Variants in SUPT3H observed in about 807,000 individuals in gnomAD.
SUPT3H encodes SPT3 homolog, SAGA and STAGA complex component, also known as transcription initiation protein SPT3 homolog.
SUPT3H carries 44 observed loss-of-function variants against 44.3 expected under a neutral mutation model. That is an observed-to-expected ratio of 0.99 (90% confidence interval 0.78 to 1.28). The LOEUF (loss-of-function observed/expected upper bound fraction) is 1.28. SUPT3H is among the 50% of genes most tolerant of loss of function. The pLI is 0.00. For missense variants in SUPT3H, 380 were observed against 387.1 expected (o/e 0.98, Z 0.15); for synonymous variants, 124 against 125.6 (o/e 0.99, Z 0.09).
chr6:45,375,486 C>T (rs757301472), intron 1 of SUPT3H, among the ~76,000 whole-genome samples: 3 of 152,150 alleles, frequency 2.0e-5, no homozygotes, highest in African/African-American at 7.2e-5. Flanking sequence ...TGATTTAACT[C>T]GTGAGCTTTA....
chr6:45,364,188 T>C (rs1302755932), intron 2 of SUPT3H, among the ~76,000 whole-genome samples: 1 of 152,078 alleles, frequency 6.6e-6, no homozygotes, highest in Non-Finnish European at 1.5e-5. Flanking sequence ...ACAAATATTC[T>C]TCAGGATCTT....
intron 6 of SUPT3H, among the ~76,000 whole-genome samples, chr6:44,981,826 A>G (rs767922175): frequency 2.7e-5 from 4 of 150,750 alleles, no homozygotes; most frequent in Non-Finnish European, 5.9e-5. Flanking sequence ...CATGCCTGTA[A>G]TCTCAGCACT....
At chr6:45,135,743 C>G (rs1366054379) in intron 2 of SUPT3H, among the ~76,000 whole-genome samples, 1 of 152,196 alleles carries the variant, frequency 6.6e-6, no homozygotes, top group East Asian at 1.9e-4. Flanking sequence ...CCAGAAACAA[C>G]AATGCTGGCA....
At chr6:45,339,772 T>C (rs567200989) in intron 2 of SUPT3H, among the ~76,000 whole-genome samples, 5 of 152,154 alleles carry the variant, frequency 3.3e-5, no homozygotes, top group Non-Finnish European at 5.9e-5. Context: ...AAGTTTTAAT[T>C]TAATTAGACA....
Position 44,829,795 on chromosome 6 carries a change from A to G in SUPT3H, c.*21T>C, listed in dbSNP as rs1191907784. 3 of 1,611,398 alleles carry G rather than the reference A, an allele frequency of 1.9e-6. No homozygotes were observed. In the Admixed American group the frequency reaches 5.0e-5, roughly 27 times the overall value. Reference sequence around the variant, plus strand: ...ATAACATTGCCTTTCCTGTTGTTGCAGGCACATCACAGTTGTCACATCAGC... The same window carrying G: ...ATAACATTGCCTTTCCTGTTGTTGCGGGCACATCACAGTTGTCACATCAGC... On this transcript the variant is annotated 3_prime_UTR_variant, in exon 11 of 11. Transcript: ENST00000371459.
intron 2 of SUPT3H, chr6:45,328,302 T>C (rs754641139): frequency 1.5e-6 from 2 of 1,368,218 alleles, no homozygotes; most frequent in Non-Finnish European, 2.0e-6. Flanking sequence ...TTTAAAGCTT[T>C]TGCTTTTTTG....
chr6:45,205,155 C>A lies in SUPT3H; in HGVS notation c.102-99149G>T, dbSNP rs548441707. The stretch of plus-strand genomic sequence containing the variant: ...AACCTGCCCAAACTAGCTACTCAAC[C>A]TATTAGATTTCCTTCTCCTTCTATC... On this transcript the variant is annotated intron_variant, in intron 2 of 10. Transcript: ENST00000371459. 2.6e-5 allele frequency among the ~76,000 whole-genome samples: 4 copies of A among 152,274 alleles called. No individual in the cohort carries two copies. The South Asian group carries it at 8.3e-4, about 32-fold the overall frequency.
chr6:44,891,608 ATGGGT>A (rs953154399), intron 10 of SUPT3H, among the ~76,000 whole-genome samples: 1 of 152,062 alleles, frequency 6.6e-6, no homozygotes, highest in Non-Finnish European at 1.5e-5. Flanking sequence ...GGAGGAAAGA[ATGGGT>A]TGTTATTGCT....
intron 10 of SUPT3H, among the ~76,000 whole-genome samples, chr6:44,830,919 C>A (rs756218532): frequency 4.3e-5 from 6 of 140,896 alleles, no homozygotes; most frequent in Non-Finnish European, 7.5e-5. Context: ...TAACCTTTTA[C>A]GATCAAGATA....
intron 2 of SUPT3H, among the ~76,000 whole-genome samples, chr6:45,232,833 T>C (rs1157597537): frequency 1.3e-5 from 2 of 152,058 alleles, no homozygotes; most frequent in Admixed American, 6.5e-5. Flanking sequence ...CCACTGCCAG[T>C]GAGGGTGCCG....
intron 5 of SUPT3H, among the ~76,000 whole-genome samples, chr6:45,006,648 C>T (rs902174290): frequency 2.6e-5 from 4 of 152,004 alleles, no homozygotes; most frequent in Non-Finnish European, 5.9e-5. Context: ...AACGTTTCAC[C>T]CTTTCCAGTA....
chr6:45,132,324 G>A (rs1327060098), intron 2 of SUPT3H, among the ~76,000 whole-genome samples: 1 of 152,132 alleles, frequency 6.6e-6, no homozygotes, highest in Non-Finnish European at 1.5e-5. Flanking sequence ...CATAAAATAA[G>A]CTAACTTCTA....
At chr6:44,913,674 C>T (rs1346283713) in intron 10 of SUPT3H, among the ~76,000 whole-genome samples, 1 of 152,182 alleles carries the variant, frequency 6.6e-6, no homozygotes, top group Non-Finnish European at 1.5e-5. Flanking sequence ...AAGCATCCCA[C>T]TAACAAAAGC....
chr6:44,924,926 G>A (rs1056692238), intron 10 of SUPT3H, among the ~76,000 whole-genome samples: 2 of 151,976 alleles, frequency 1.3e-5, no homozygotes, highest in African/African-American at 4.8e-5. Context: ...AATATTTTGT[G>A]ACATTTAATT....
intron 2 of SUPT3H, among the ~76,000 whole-genome samples, chr6:45,362,526 T>A (rs12203466): frequency 0.23 from 34,408 of 152,048 alleles, 4,561 homozygotes; most frequent in Non-Finnish European, 0.31. Flanking sequence ...TTTTATACAA[T>A]CAAAAGCCTA....
At chr6:44,880,288 T>C (rs1337366449) in intron 10 of SUPT3H, among the ~76,000 whole-genome samples, 2 of 151,942 alleles carry the variant, frequency 1.3e-5, no homozygotes, top group African/African-American at 4.8e-5. Context: ...CATTCACAAG[T>C]ATCAGTAGCC....
At chr6:44,906,148 A>C (rs1407617064) in intron 10 of SUPT3H, among the ~76,000 whole-genome samples, 1 of 152,216 alleles carries the variant, frequency 6.6e-6, no homozygotes, top group Non-Finnish European at 1.5e-5. Context: ...CATTGTGCAC[A>C]TGTACCCTAA....
intron 3 of SUPT3H, among the ~76,000 whole-genome samples, chr6:45,073,909 G>A (rs1794693797): frequency 6.6e-6 from 1 of 151,946 alleles, no homozygotes; most frequent in African/African-American, 2.4e-5. Context: ...TATTTCTATG[G>A]AAGAGAACAG....
intron 3 of SUPT3H, among the ~76,000 whole-genome samples, chr6:45,067,297 T>C (rs1442073938): frequency 1.5e-5 from 2 of 136,338 alleles, no homozygotes; most frequent in Non-Finnish European, 3.2e-5. Context: ...CCTTACACCT[T>C]ATACAAAAAT....
Sources: gnomAD v4.1 joint callset for allele counts (sites outside exome capture counted in the v4.1 genomes callset) on GRCh38, gnomAD v4.1.1 for gene constraint, MANE v1.5 for transcripts, NCBI Gene and HGNC (gene_info 2026-07-23, HGNC 2026-07-21) for gene names.